Variants in ATRNL1 observed in about 807,000 individuals in gnomAD.
ATRNL1 encodes the protein attractin like 1, also known as attractin-like protein 1.
In ATRNL1, 95 loss-of-function variants were observed where a neutral mutation model predicts 182.7. The ratio of observed to expected loss-of-function variants is 0.52; its 90% CI spans 0.44 to 0.62. The LOEUF (loss-of-function observed/expected upper bound fraction) is 0.62. Among genes scored for constraint, ATRNL1 ranks in the 20% least tolerant of loss-of-function variants. The pLI is 0.00. For missense variants in ATRNL1, 1,471 were observed against 1,679.5 expected, an observed-to-expected ratio of 0.88 and a Z score of 2.17; for synonymous variants, 576 against 568.3, an observed-to-expected ratio of 1.01 and a Z score of -0.19.
intron 21 of ATRNL1, among the ~76,000 whole-genome samples, chr10:115,437,561 T>G (rs1554964982): frequency 1.3e-5 from 2 of 151,996 alleles, no homozygotes; most frequent in Non-Finnish European, 2.9e-5. Context: ...TAAACAATTG[T>G]CTAAGTTTGC....
At chr10:115,654,393 A>T (rs1453427936) in intron 26 of ATRNL1, among the ~76,000 whole-genome samples, 2 of 151,580 alleles carry the variant, frequency 1.3e-5, no homozygotes, top group African/African-American at 4.9e-5. Context: ...TATTTTTTGT[A>T]TTTTTAGTAG....
chr10:115,267,837 G>A (rs1851670806), intron 12 of ATRNL1, among the ~76,000 whole-genome samples: 1 of 152,048 alleles, frequency 6.6e-6, no homozygotes, highest in Admixed American at 6.6e-5. Context: ...GCAGTGGTGT[G>A]ATCAAACTCT....
chr10:115,546,360 C>T (rs1382608015), intron 25 of ATRNL1, among the ~76,000 whole-genome samples: 1 of 151,760 alleles, frequency 6.6e-6, no homozygotes, highest in African/African-American at 2.4e-5. Flanking sequence ...GTCAGGAGAT[C>T]GAGACTATCC....
intron 26 of ATRNL1, among the ~76,000 whole-genome samples, chr10:115,641,275 A>C (rs1859230247): frequency 6.6e-6 from 1 of 152,174 alleles, no homozygotes; most frequent in African/African-American, 2.4e-5. Flanking sequence ...TTCCTTTCTA[A>C]GTCTGATTTC....
intron 27 of ATRNL1, among the ~76,000 whole-genome samples, chr10:115,816,918 A>T (rs1423846989): frequency 6.6e-6 from 1 of 152,148 alleles, no homozygotes; most frequent in Non-Finnish European, 1.5e-5. Flanking sequence ...GTATTTACCA[A>T]ACCTTATTTT....
intron 2 of ATRNL1, among the ~76,000 whole-genome samples, chr10:115,121,219 TCTC>T (rs1368866799): frequency 6.6e-6 from 1 of 152,054 alleles, no homozygotes; most frequent in African/African-American, 2.4e-5. Flanking sequence ...TTCAAGCAAT[TCTC>T]CTGCCTCAGC....
At position 115,347,843 on chromosome 10, in the gene ATRNL1, A is replaced by C. The variant is rs377617558; in HGVS notation, c.3175+13424A>C. ...TTATGTGTGTATATGTATACTATAT[A>C]TATATGTATATGTAATCTTTGTGGC... On this transcript the variant is annotated intron_variant, in intron 19 of 28. Coordinates refer to ENST00000355044, the MANE Select transcript of ATRNL1 (RefSeq NM_207303.4). 8.1e-4 allele frequency among the ~76,000 whole-genome samples: 123 copies of C among 152,282 alleles called. 2 individuals are homozygous for C. The South Asian group carries it at 0.025, about 31-fold the overall frequency.
chr10:115,570,761 T>G (rs555929257), intron 26 of ATRNL1, among the ~76,000 whole-genome samples: 4 of 152,182 alleles, frequency 2.6e-5, no homozygotes, highest in Non-Finnish European at 4.4e-5. Flanking sequence ...CTTTGGAGCT[T>G]ACTAATGAGA....
chr10:115,749,676 G>C (rs1430083008), intron 27 of ATRNL1, among the ~76,000 whole-genome samples: 1 of 151,716 alleles, frequency 6.6e-6, no homozygotes, highest in African/African-American at 2.4e-5. Flanking sequence ...CTCATTATTT[G>C]CCAGGTTTAG....
At chr10:115,676,584 G>GTATATA (rs143315406) in intron 26 of ATRNL1, among the ~76,000 whole-genome samples, 19 of 150,126 alleles carry the variant, frequency 1.3e-4, no homozygotes, top group African/African-American at 4.4e-4. Context: ...ATCTGTATAT[G>GTATATA]TATATATATA....
intron 26 of ATRNL1, among the ~76,000 whole-genome samples, chr10:115,688,717 C>T (rs1289085611): frequency 3.9e-5 from 6 of 152,004 alleles, no homozygotes; most frequent in Admixed American, 6.6e-5. Flanking sequence ...TATTAGTCTC[C>T]TGTCAGTTAG....
At chr10:115,712,078 T>C (rs911082966) in intron 26 of ATRNL1, among the ~76,000 whole-genome samples, 1 of 152,198 alleles carries the variant, frequency 6.6e-6, no homozygotes, top group African/African-American at 2.4e-5. Flanking sequence ...TCAATATTAG[T>C]CTCAGCCATA....
At chr10:115,404,496 G>A (rs56316190) in intron 20 of ATRNL1, among the ~76,000 whole-genome samples, 7,961 of 152,272 alleles carry the variant, frequency 0.052, 249 homozygotes, top group Non-Finnish European at 0.073. Context: ...GATCCTGGAA[G>A]ACTGCATGGA....
At chr10:115,439,133 G>A (rs1554965230) in intron 21 of ATRNL1, among the ~76,000 whole-genome samples, 1 of 151,878 alleles carries the variant, frequency 6.6e-6, no homozygotes, top group Non-Finnish European at 1.5e-5. Flanking sequence ...TATTCATTAA[G>A]TAGAAGTGGA....
At chr10:115,455,474 C>A (rs1847477601) in intron 21 of ATRNL1, among the ~76,000 whole-genome samples, 1 of 152,116 alleles carries the variant, frequency 6.6e-6, no homozygotes, top group African/African-American at 2.4e-5. Flanking sequence ...ACACCTTATG[C>A]AAAAATTAAC....
At chr10:115,882,479 C>T (rs1951848032) in intron 28 of ATRNL1, among the ~76,000 whole-genome samples, 1 of 152,170 alleles carries the variant, frequency 6.6e-6, no homozygotes, top group South Asian at 2.1e-4. Flanking sequence ...ATACTTCATT[C>T]ACATGTGCTA....
chr10:115,492,627 T>C lies in ATRNL1; in HGVS notation c.3654+23298T>C, dbSNP rs1035394940. On this transcript the variant is annotated intron_variant, in intron 24 of 28. Coordinates refer to ENST00000355044, the MANE Select transcript of ATRNL1 (RefSeq NM_207303.4). ...TTATAATTCATTTCTTTTAATTCTTTCATTTTTACTAAAGTGATTTTTTTT... is the reference window on the plus strand; with the variant it reads ...TTATAATTCATTTCTTTTAATTCTTCCATTTTTACTAAAGTGATTTTTTTT... Among the ~76,000 whole-genome samples the C allele has an allele frequency of 4.8e-5, 7 of 146,762 alleles. 1 individual carries two copies. The South Asian group carries it at 1.5e-3, about 31-fold the overall frequency.
chr10:115,870,754 T>C (rs1359796888), intron 28 of ATRNL1, among the ~76,000 whole-genome samples: 1 of 152,198 alleles, frequency 6.6e-6, no homozygotes, highest in Non-Finnish European at 1.5e-5. Context: ...CCAGACTGTC[T>C]GAGATTTAAT....
At chr10:115,510,306 T>A (rs1229010392) in intron 24 of ATRNL1, among the ~76,000 whole-genome samples, 1 of 152,084 alleles carries the variant, frequency 6.6e-6, no homozygotes. Context: ...AGTAAATTTT[T>A]ATGAAACAGC....
Sources: gnomAD v4.1 joint callset for allele counts (sites outside exome capture counted in the v4.1 genomes callset) on GRCh38, gnomAD v4.1.1 for gene constraint, MANE v1.5 for transcripts, NCBI Gene and HGNC (gene_info 2026-07-23, HGNC 2026-07-21) for gene names.